The following MYO1D variants were observed in gnomAD, a reference collection of about 807,000 sequenced individuals.
The protein encoded by MYO1D is myosin ID, also known as unconventional myosin-Id.
In MYO1D, 83 loss-of-function variants were observed where a neutral mutation model predicts 122.0. The ratio of observed to expected loss-of-function variants is 0.68; its 90% CI spans 0.57 to 0.82. The LOEUF is 0.82. Ranked by LOEUF, MYO1D falls within the 40% of genes least tolerant of loss-of-function variation. The pLI is 0.00. For synonymous variants in MYO1D, 464 were observed against 446.9 expected, an observed-to-expected ratio of 1.04 and a Z score of -0.48; for missense variants, 1,157 against 1,269.5, an observed-to-expected ratio of 0.91 and a Z score of 1.35.
intron 21 of MYO1D, among the ~76,000 whole-genome samples, chr17:32,566,131 G>C (rs908211357): frequency 6.6e-6 from 1 of 152,092 alleles, no homozygotes. Context: ...TCTAGACGGG[G>C]AGGTAGACAC....
intron 21 of MYO1D, chr17:32,504,973 C>A (rs1274151051): frequency 1.3e-5 from 2 of 152,496 alleles, no homozygotes; most frequent in African/African-American, 4.8e-5. Flanking sequence ...ACTGATTGCA[C>A]TTTTTGTCTG....
intron 20 of MYO1D, among the ~76,000 whole-genome samples, chr17:32,610,134 C>T (rs549880457): frequency 3.3e-5 from 5 of 152,134 alleles, no homozygotes; most frequent in African/African-American, 4.8e-5. Context: ...GAGACAGATT[C>T]GGCAAAGAAC....
At chr17:32,717,226 C>A (rs1313286441) in intron 15 of MYO1D, among the ~76,000 whole-genome samples, 2 of 152,174 alleles carry the variant, frequency 1.3e-5, no homozygotes, top group African/African-American at 2.4e-5. Flanking sequence ...ATATTCACAA[C>A]TATTATTATA....
chr17:32,592,167 C>T (rs2087445140), intron 21 of MYO1D, among the ~76,000 whole-genome samples: 1 of 152,154 alleles, frequency 6.6e-6, no homozygotes, highest in South Asian at 2.1e-4. Flanking sequence ...AAACCCTGAC[C>T]CAGAAGCAGG....
intron 13 of MYO1D, among the ~76,000 whole-genome samples, chr17:32,743,818 C>T (rs767046928): frequency 2.6e-4 from 40 of 151,904 alleles, no homozygotes; most frequent in Non-Finnish European, 5.1e-4. Flanking sequence ...CGGGGTTTCA[C>T]CATGTTAGCC....
At chr17:32,854,636 G>T (rs747432665) in intron 1 of MYO1D, among the ~76,000 whole-genome samples, 4 of 152,210 alleles carry the variant, frequency 2.6e-5, no homozygotes, top group Admixed American at 1.3e-4. Context: ...CCTGTACACA[G>T]ACCAACTGGG....
intron 16 of MYO1D, among the ~76,000 whole-genome samples, chr17:32,662,831 T>C (rs904179647): frequency 3.3e-5 from 5 of 152,034 alleles, no homozygotes; most frequent in Non-Finnish European, 5.9e-5. Flanking sequence ...GCCTGGTGAG[T>C]AGTCAGTGCC....
chr17:32,829,703 C>T (rs1415937328), intron 1 of MYO1D, among the ~76,000 whole-genome samples: 1 of 152,204 alleles, frequency 6.6e-6, no homozygotes, highest in East Asian at 1.9e-4. Context: ...ATCTGCCCAC[C>T]TCGGCCTCCC....
Position 32,610,222 on chromosome 17 carries a change from G to A in MYO1D, c.2710-4981C>T, listed in dbSNP as rs527752740. ...GACAGGAGCCAATGACTCTGCTCTC[G>A]GCCACAACCCCCTCTCAGCGGGTGG... is the stretch of plus-strand genomic sequence containing the variant. On this transcript the variant is annotated intron_variant, in intron 20 of 21. Transcript: ENST00000318217. Among the ~76,000 whole-genome samples the A allele has an allele frequency of 5.3e-5, 8 of 152,042 alleles. No individual in the cohort carries two copies. In the Middle Eastern group the frequency reaches 0.01, roughly 194 times the overall value.
intron 1 of MYO1D, among the ~76,000 whole-genome samples, chr17:32,799,289 TCTAA>T (rs775686915): frequency 1.7e-4 from 26 of 152,328 alleles, no homozygotes; most frequent in East Asian, 3.9e-4. Flanking sequence ...TATTGCTAGA[TCTAA>T]CTGAGAGAGA....
At chr17:32,812,882 T>C (rs995251369) in intron 1 of MYO1D, among the ~76,000 whole-genome samples, 1 of 152,256 alleles carries the variant, frequency 6.6e-6, no homozygotes, top group African/African-American at 2.4e-5. Context: ...AGAGACTTTA[T>C]ATGTATAGGC....
intron 21 of MYO1D, among the ~76,000 whole-genome samples, chr17:32,540,663 C>T (rs1346156502): frequency 6.6e-6 from 1 of 151,960 alleles, no homozygotes; most frequent in Non-Finnish European, 1.5e-5. Flanking sequence ...TGGTGGCTCA[C>T]TCCTGTAATC....
intron 1 of MYO1D, among the ~76,000 whole-genome samples, chr17:32,870,692 T>C (rs1341305664): frequency 6.6e-6 from 1 of 152,074 alleles, no homozygotes; most frequent in Non-Finnish European, 1.5e-5. Flanking sequence ...CATTTTAAGA[T>C]GTATTAAACA....
intron 16 of MYO1D, among the ~76,000 whole-genome samples, chr17:32,661,690 T>C (rs1390002555): frequency 2.6e-5 from 4 of 151,574 alleles, no homozygotes; most frequent in Non-Finnish European, 5.9e-5. Flanking sequence ...AAACCACGTA[T>C]ATTATGATTT....
At chr17:32,533,183 T>C (rs969999085) in intron 21 of MYO1D, among the ~76,000 whole-genome samples, 3 of 152,226 alleles carry the variant, frequency 2.0e-5, no homozygotes, top group African/African-American at 7.2e-5. Flanking sequence ...GGTAATTCCA[T>C]ATGCTGATAA....
chr17:32,752,677 C>T (rs1432793122), intron 11 of MYO1D, among the ~76,000 whole-genome samples: 1 of 152,128 alleles, frequency 6.6e-6, no homozygotes, highest in African/African-American at 2.4e-5. Context: ...AAATGTTCAA[C>T]ATCACTAATC....
intron 21 of MYO1D, among the ~76,000 whole-genome samples, chr17:32,597,053 C>G (rs561330136): frequency 4.1e-4 from 63 of 152,310 alleles, no homozygotes; most frequent in African/African-American, 1.4e-3. Context: ...AGATAATATT[C>G]CAAGAGGCTA....
At chr17:32,623,266 T>C (rs2087876972) in intron 20 of MYO1D, among the ~76,000 whole-genome samples, 2 of 152,250 alleles carry the variant, frequency 1.3e-5, no homozygotes, top group African/African-American at 4.8e-5. Flanking sequence ...TAATGTTTAT[T>C]ATATTAAAAA....
chr17:32,672,241 T>C (rs928404061), intron 16 of MYO1D, among the ~76,000 whole-genome samples: 4 of 152,200 alleles, frequency 2.6e-5, no homozygotes, highest in African/African-American at 9.7e-5. Flanking sequence ...ACACAGTAAA[T>C]GATAAAACTG....
Sources: allele counts gnomAD v4.1 joint callset (sites outside exome capture counted in the v4.1 genomes callset), GRCh38; gene constraint gnomAD v4.1.1; transcripts MANE v1.5; gene names NCBI Gene and HGNC (gene_info 2026-07-23, HGNC 2026-07-21).